CCDC91: variants seen among roughly 807,000 people sequenced by gnomAD.
The protein encoded by CCDC91 is coiled-coil domain-containing protein 91.
In CCDC91, 48 loss-of-function variants were observed where a neutral mutation model predicts 63.2. The ratio of observed to expected loss-of-function variants is 0.76; its 90% confidence interval spans 0.60 to 0.97. The LOEUF is 0.97. Ranked by LOEUF, CCDC91 falls within the 50% of genes least tolerant of loss-of-function variation. The pLI is 0.00. For synonymous variants in CCDC91, 167 were observed against 165.8 expected, an observed-to-expected ratio of 1.01 and a Z score of -0.06; for missense variants, 500 against 494.6, an observed-to-expected ratio of 1.01 and a Z score of -0.10.
chr12:28,452,716 C>T, intron 11 of CCDC91, 62 bp downstream of exon 11: 1 of 790,182 alleles, frequency 1.3e-6, no homozygotes, highest in Non-Finnish European at 1.9e-6. Flanking sequence ...AAATGAAGTA[C>T]CCTTACTCTA....
intron 12 of CCDC91, among the ~76,000 whole-genome samples, chr12:28,518,725 C>A (rs1330113342): frequency 6.6e-6 from 1 of 151,934 alleles, no homozygotes; most frequent in Non-Finnish European, 1.5e-5. Context: ...GAAATCCTTG[C>A]TTAAGCTAAT....
intron 6 of CCDC91, among the ~76,000 whole-genome samples, chr12:28,353,891 T>C (rs1943348594): frequency 6.6e-6 from 1 of 151,732 alleles, no homozygotes; most frequent in Non-Finnish European, 1.5e-5. Context: ...TTGGGGCCAA[T>C]TGGAAGGTGG....
At chr12:28,316,652 G>A (rs1410501444) in intron 6 of CCDC91, among the ~76,000 whole-genome samples, 2 of 131,136 alleles carry the variant, frequency 1.5e-5, no homozygotes, top group Non-Finnish European at 3.1e-5. Flanking sequence ...CATTGTATGG[G>A]ATTCAACTAA....
At chr12:28,318,320 C>T (rs1408858484) in intron 6 of CCDC91, among the ~76,000 whole-genome samples, 4 of 150,856 alleles carry the variant, frequency 2.7e-5, no homozygotes, top group East Asian at 2.0e-4. Flanking sequence ...CCAGGTAAAT[C>T]GAGACCAGCT....
At chr12:28,504,726 C>T (rs1185405256) in intron 12 of CCDC91, among the ~76,000 whole-genome samples, 1 of 151,870 alleles carries the variant, frequency 6.6e-6, no homozygotes. Flanking sequence ...TCACAAGCTA[C>T]GTATGTAGGC....
intron 1 of CCDC91, among the ~76,000 whole-genome samples, chr12:28,219,485 T>A (rs1943787333): frequency 6.7e-6 from 1 of 149,466 alleles, no homozygotes; most frequent in African/African-American, 2.5e-5. Context: ...TTTTTTTTTT[T>A]TTTTGAGATG....
intron 1 of CCDC91, among the ~76,000 whole-genome samples, chr12:28,252,648 GT>G (rs764677431): frequency 2.0e-5 from 3 of 151,952 alleles, no homozygotes; most frequent in Non-Finnish European, 4.4e-5. Context: ...ACTATCTTCT[GT>G]TGTTAACTTT....
chr12:28,352,083 T>G (rs888042018), intron 6 of CCDC91, among the ~76,000 whole-genome samples: 15 of 152,240 alleles, frequency 9.9e-5, no homozygotes, highest in African/African-American at 3.6e-4. Flanking sequence ...ACATTTATAC[T>G]ATACCGTAGA....
intron 12 of CCDC91, among the ~76,000 whole-genome samples, chr12:28,547,693 C>G (rs1192845524): frequency 1.3e-5 from 2 of 151,998 alleles, no homozygotes; most frequent in Non-Finnish European, 2.9e-5. Flanking sequence ...ATAATAGAAT[C>G]TCCGAATATT....
intron 6 of CCDC91, among the ~76,000 whole-genome samples, chr12:28,315,678 A>G (rs1939785973): frequency 6.6e-6 from 1 of 151,996 alleles, no homozygotes; most frequent in East Asian, 1.9e-4. Flanking sequence ...ACACCAGTTA[A>G]TTAATGTGTT....
At chr12:28,315,905 G>A (rs1939813523) in intron 6 of CCDC91, among the ~76,000 whole-genome samples, 1 of 151,438 alleles carries the variant, frequency 6.6e-6, no homozygotes. Flanking sequence ...TTAGATAATA[G>A]TGTACTAAAT....
At chr12:28,265,836 T>C (rs1036566908) in intron 3 of CCDC91, among the ~76,000 whole-genome samples, 2 of 152,116 alleles carry the variant, frequency 1.3e-5, no homozygotes, top group Admixed American at 6.6e-5. Context: ...TAGTCACATA[T>C]GTGCATTATG....
intron 3 of CCDC91, among the ~76,000 whole-genome samples, chr12:28,267,912 T>G (rs1315095459): frequency 5.2e-5 from 5 of 95,580 alleles, no homozygotes; most frequent in African/African-American, 8.7e-5. Flanking sequence ...TTATATTATA[T>G]ATAATTATTA....
At chr12:28,340,421 A>G (rs1057292737) in intron 6 of CCDC91, among the ~76,000 whole-genome samples, 2 of 152,250 alleles carry the variant, frequency 1.3e-5, no homozygotes, top group African/African-American at 4.8e-5. Flanking sequence ...ATATCTCAGT[A>G]GTTTTATGAA....
At chr12:28,470,753 A>G (rs1950774475) in intron 11 of CCDC91, among the ~76,000 whole-genome samples, 1 of 152,214 alleles carries the variant, frequency 6.6e-6, no homozygotes, top group Admixed American at 6.6e-5. Flanking sequence ...CTATTCAGCC[A>G]TAGAAATGAA....
At chr12:28,300,148 G>A (rs762940852) in intron 3 of CCDC91, among the ~76,000 whole-genome samples, 1 of 151,314 alleles carries the variant, frequency 6.6e-6, no homozygotes, top group African/African-American at 2.4e-5. Flanking sequence ...TTATGTCTAA[G>A]GTAAAGAAGA....
intron 1 of CCDC91, among the ~76,000 whole-genome samples, chr12:28,219,247 T>C (rs534849391): frequency 6.6e-6 from 1 of 152,292 alleles, no homozygotes; most frequent in South Asian, 2.1e-4. Flanking sequence ...TTAGATCTTT[T>C]ATAAAGTGTC....
At chr12:28,497,446 A>T (rs1218875867) in intron 12 of CCDC91, among the ~76,000 whole-genome samples, 1 of 151,594 alleles carries the variant, frequency 6.6e-6, no homozygotes, top group Non-Finnish European at 1.5e-5. Context: ...ACAGGTTCTT[A>T]TCACATCTTT....
chr12:28,447,229 A>G (rs1195954139), intron 8 of CCDC91, among the ~76,000 whole-genome samples: 1 of 152,158 alleles, frequency 6.6e-6, no homozygotes, highest in East Asian at 1.9e-4. Flanking sequence ...AAAAAGGAGA[A>G]TGGTAAAATA....
Sources: gnomAD v4.1 joint callset for allele counts (sites outside exome capture counted in the v4.1 genomes callset) on GRCh38, gnomAD v4.1.1 for gene constraint, MANE v1.5 for transcripts, NCBI Gene and HGNC (gene_info 2026-07-23, HGNC 2026-07-21) for gene names.